Variants in DIS3L2 observed in about 807,000 individuals in gnomAD.
DIS3L2 encodes the protein DIS3 like 3'-5' exoribonuclease 2, also known as DIS3-like exonuclease 2.
A neutral mutation model predicts 97.5 loss-of-function variants in DIS3L2; 34 were observed. The observed-to-expected ratio is 0.35, with a 90% CI of 0.27 to 0.46. The LOEUF (loss-of-function observed/expected upper bound fraction) is 0.46, where lower values mean the gene tolerates loss of function less well. Ranked by LOEUF, DIS3L2 falls within the 20% of genes least tolerant of loss-of-function variation. The probability of loss-of-function intolerance (pLI) is 1.00; values close to 1 mark genes in which losing one functional copy is unlikely to be tolerated. For missense variants in DIS3L2, 1,038 were observed against 1,146.0 expected (o/e 0.91, Z 1.36); for synonymous variants, 435 against 445.2 (o/e 0.98, Z 0.29).
At chr2:232,038,593 T>C (rs1695018833) in intron 5 of DIS3L2, among the ~76,000 whole-genome samples, 1 of 152,200 alleles carries the variant, frequency 6.6e-6, no homozygotes, top group Non-Finnish European at 1.5e-5. Context: ...TATGAATAAG[T>C]AAGTCTGTTG....
intron 1 of DIS3L2, among the ~76,000 whole-genome samples, chr2:232,001,866 T>A (rs11686618): frequency 0.011 from 1,704 of 151,834 alleles, 19 homozygotes; most frequent in Non-Finnish European, 0.016. Flanking sequence ...ATTACAGGCA[T>A]GTGCCACCAT....
intron 1 of DIS3L2, among the ~76,000 whole-genome samples, chr2:232,001,527 G>A (rs536638926): frequency 1.5e-5 from 2 of 130,880 alleles, no homozygotes; most frequent in South Asian, 2.5e-4. Context: ...GCTTAACAGA[G>A]TCTTCTTAGC....
At position 232,124,623 on chromosome 2, in the gene DIS3L2, A is replaced by G. The variant is rs1407452447; in HGVS notation, c.602-5996A>G. On this transcript the variant is annotated intron_variant, in intron 6 of 20. Coordinates refer to ENST00000325385, the MANE Select transcript of DIS3L2 (RefSeq NM_152383.5). ...GAGTGAGAAGGTTTAAATAAGTTGA[A>G]TTAGAGTTCTAGAAGAAGATGAGAC... 2.0e-5 allele frequency among the ~76,000 whole-genome samples: 3 copies of G among 152,206 alleles called. No individual in the cohort carries two copies. In the East Asian group the frequency reaches 5.8e-4, roughly 29 times the overall value.
At chr2:231,996,042 C>T (rs1349780449) in intron 1 of DIS3L2, among the ~76,000 whole-genome samples, 1 of 152,212 alleles carries the variant, frequency 6.6e-6, no homozygotes, top group Non-Finnish European at 1.5e-5. Flanking sequence ...ATCTGCCAAA[C>T]AGCTAGAGAG....
At chr2:232,298,095 C>G (rs532260775) in intron 13 of DIS3L2, among the ~76,000 whole-genome samples, 1 of 152,184 alleles carries the variant, frequency 6.6e-6, no homozygotes, top group Non-Finnish European at 1.5e-5. Context: ...TCTGTCCAAC[C>G]TATTTTTCCT....
intron 13 of DIS3L2, among the ~76,000 whole-genome samples, chr2:232,264,693 A>G (rs1693810085): frequency 6.6e-6 from 1 of 152,202 alleles, no homozygotes; most frequent in African/African-American, 2.4e-5. Context: ...GCTGGGAGAA[A>G]TCTGAAAGGC....
At chr2:232,185,051 ACT>A (rs1360939774) in intron 9 of DIS3L2, among the ~76,000 whole-genome samples, 1 of 152,120 alleles carries the variant, frequency 6.6e-6, no homozygotes, top group Non-Finnish European at 1.5e-5. Flanking sequence ...CTTAAATATG[ACT>A]CTGTCTCTCT....
chr2:232,022,287 A>G (rs545341278), intron 3 of DIS3L2, among the ~76,000 whole-genome samples: 17 of 152,266 alleles, frequency 1.1e-4, no homozygotes, highest in African/African-American at 2.6e-4. Flanking sequence ...AAATTTGCAA[A>G]TGCTGTTGTG....
At chr2:232,078,019 T>TTCTTTCTTTCTTTCTTTC (rs1297392014) in intron 5 of DIS3L2, among the ~76,000 whole-genome samples, 1 of 94,794 alleles carries the variant, frequency 1.1e-5, no homozygotes, top group Non-Finnish European at 2.1e-5. Context: ...CTTTCTTTCT[T>TTCTTTCTTTCTTTCTTTC]TTTCTCTTTC....
In DIS3L2 at chr2:232,195,424, G is replaced by C. The variant is rs143535181; in HGVS notation, c.1125-14902G>C. 5.5e-3 allele frequency among the ~76,000 whole-genome samples: 831 copies of C among 152,224 alleles called. 2 individuals are homozygous for C. The highest frequency in any genetic ancestry group is 0.034 in the Middle Eastern group (10 of 294). On this transcript the variant is annotated intron_variant, in intron 9 of 20. Transcript: ENST00000325385. ...GCCTCCCTGAAAATTCAGAGGCTAG[G>C]GTTTTTAAAAGATAGTTTGGTGGGC...
At chr2:232,016,609 C>T (rs535148644) in intron 3 of DIS3L2, among the ~76,000 whole-genome samples, 1 of 152,060 alleles carries the variant, frequency 6.6e-6, no homozygotes, top group African/African-American at 2.4e-5. Flanking sequence ...GTGGCGCTAA[C>T]GAAAACATGA....
In DIS3L2 at chr2:232,263,443, CAGT is replaced by C. The variant is rs771565872; in HGVS notation, c.1659+5_1659+7del. The C allele has an allele frequency of 1.9e-6, 3 of 1,614,050 alleles. No homozygotes were observed. Among genetic ancestry groups the C allele is most frequent in the Non-Finnish European group, 2.5e-6 (3 of 1,179,988 alleles). On this transcript the variant is annotated splice_donor_5th_base_variant and intron_variant, in intron 13 of 20. Transcript: ENST00000325385. ...ACGGCGCACTTCGTTTGGATCAGGTCAGTACGTGTTTTTTTAGTGTAGCCAACA... is the reference window on the plus strand; with the variant it reads ...ACGGCGCACTTCGTTTGGATCAGGTCACGTGTTTTTTTAGTGTAGCCAACA...
intron 6 of DIS3L2, among the ~76,000 whole-genome samples, chr2:232,119,882 C>T (rs1034939671): frequency 1.4e-4 from 22 of 152,294 alleles, no homozygotes; most frequent in African/African-American, 5.1e-4. Flanking sequence ...TAATCTCTTA[C>T]CAATCTGTAA....
chr2:232,322,951 C>T (rs998942171), intron 14 of DIS3L2, among the ~76,000 whole-genome samples: 1 of 152,220 alleles, frequency 6.6e-6, no homozygotes, highest in African/African-American at 2.4e-5. Flanking sequence ...GCCAGCTTCC[C>T]CTGCTGGGGC....
At chr2:231,971,621 G>C (rs1342975822) in intron 1 of DIS3L2, among the ~76,000 whole-genome samples, 3 of 152,096 alleles carry the variant, frequency 2.0e-5, no homozygotes, top group African/African-American at 7.2e-5. Context: ...CTAATTTTGT[G>C]TATTTTTAGT....
chr2:232,215,299 T>A (rs1692302254), intron 10 of DIS3L2, among the ~76,000 whole-genome samples: 1 of 152,140 alleles, frequency 6.6e-6, no homozygotes, highest in Non-Finnish European at 1.5e-5. Context: ...TGCACAGCCC[T>A]CTGCTCTGCT....
At chr2:232,059,628 C>T (rs564211192) in intron 5 of DIS3L2, among the ~76,000 whole-genome samples, 1 of 152,218 alleles carries the variant, frequency 6.6e-6, no homozygotes, top group Non-Finnish European at 1.5e-5. Context: ...CAACTCTTGC[C>T]CCTATCCCTT....
At chr2:232,247,664 A>T in intron 11 of DIS3L2, among the ~76,000 whole-genome samples, 1 of 119,252 alleles carries the variant, frequency 8.4e-6, no homozygotes, top group African/African-American at 3.2e-5. Flanking sequence ...TTCAGTCCCT[A>T]GGATAGCCCA....
At chr2:232,205,403 T>C (rs1692003253) in intron 9 of DIS3L2, among the ~76,000 whole-genome samples, 1 of 151,928 alleles carries the variant, frequency 6.6e-6, no homozygotes, top group Admixed American at 6.6e-5. Flanking sequence ...AGTAGACTAC[T>C]CCTACTTCTC....
Sources: gnomAD v4.1 joint callset for allele counts (sites outside exome capture counted in the v4.1 genomes callset) on GRCh38, gnomAD v4.1.1 for gene constraint, MANE v1.5 for transcripts, NCBI Gene and HGNC (gene_info 2026-07-23, HGNC 2026-07-21) for gene names.